TRABD2B: variants seen among roughly 807,000 people sequenced by gnomAD.
The protein encoded by TRABD2B is metalloprotease TIKI2.
TRABD2B carries 14 observed loss-of-function variants against 40.1 expected under a neutral mutation model. That is an observed-to-expected ratio of 0.35 (90% CI 0.23 to 0.55). TRABD2B has a LOEUF of 0.55. Ranked by LOEUF, TRABD2B falls within the 20% of genes least tolerant of loss-of-function variation. The probability of loss-of-function intolerance (pLI) is 0.90; values close to 1 mark genes in which losing one functional copy is unlikely to be tolerated. For missense variants in TRABD2B, 541 were observed against 648.6 expected, an observed-to-expected ratio of 0.83 and a Z score of 1.80; for synonymous variants, 263 against 277.0, an observed-to-expected ratio of 0.95 and a Z score of 0.50.
At chr1:47,839,495 A>G (rs756482776) in intron 2 of TRABD2B, among the ~76,000 whole-genome samples, 1 of 152,204 alleles carries the variant, frequency 6.6e-6, no homozygotes, top group Non-Finnish European at 1.5e-5. Context: ...ACCTGGCTTC[A>G]GGCCTCATGG....
chr1:47,774,015 C>G (rs1320651801), intron 6 of TRABD2B, among the ~76,000 whole-genome samples: 4 of 152,166 alleles, frequency 2.6e-5, no homozygotes, highest in Non-Finnish European at 5.9e-5. Flanking sequence ...GGACCCTGGT[C>G]AAACCCTCTC....
intron 4 of TRABD2B, among the ~76,000 whole-genome samples, chr1:47,779,659 C>T (rs549945844): frequency 4.6e-5 from 7 of 152,162 alleles, no homozygotes; most frequent in African/African-American, 1.4e-4. Flanking sequence ...TCGGGGGCCT[C>T]AGTCTCCCCC....
chr1:47,840,196 G>A (rs928901821), intron 2 of TRABD2B, among the ~76,000 whole-genome samples: 8 of 152,156 alleles, frequency 5.3e-5, no homozygotes, highest in African/African-American at 1.7e-4. Context: ...GGGAAGTTAA[G>A]CACGCTCACT....
At chr1:47,898,023 A>T (rs1268486730) in intron 2 of TRABD2B, among the ~76,000 whole-genome samples, 5 of 152,194 alleles carry the variant, frequency 3.3e-5, no homozygotes, top group Admixed American at 3.3e-4. Context: ...CAATTCACTG[A>T]TAATCACTCC....
intron 4 of TRABD2B, among the ~76,000 whole-genome samples, chr1:47,786,216 G>A (rs565362769): frequency 1.9e-4 from 29 of 152,230 alleles, no homozygotes; most frequent in Non-Finnish European, 2.9e-4. Flanking sequence ...TCAGGAGAAC[G>A]CAGGGTTTCT....
chr1:47,957,760 A>C (rs1376942407), intron 2 of TRABD2B, among the ~76,000 whole-genome samples: 1 of 152,226 alleles, frequency 6.6e-6, no homozygotes, highest in East Asian at 1.9e-4. Context: ...GACGGGGAGA[A>C]TGGAACCAAG....
chr1:47,917,212 G>A (rs1276435144), intron 2 of TRABD2B, among the ~76,000 whole-genome samples: 1 of 152,198 alleles, frequency 6.6e-6, no homozygotes, highest in African/African-American at 2.4e-5. Context: ...AGGCAGTCCA[G>A]ATAGGCCAGG....
chr1:47,888,211 C>T (rs1206854974), intron 2 of TRABD2B, among the ~76,000 whole-genome samples: 11 of 152,186 alleles, frequency 7.2e-5, no homozygotes, highest in Non-Finnish European at 1.2e-4. Context: ...TTTAGCCTGA[C>T]GGGCCTGAAA....
chr1:47,948,125 A>G (rs944244708), intron 2 of TRABD2B, among the ~76,000 whole-genome samples: 1 of 152,132 alleles, frequency 6.6e-6, no homozygotes, highest in African/African-American at 2.4e-5. Flanking sequence ...AATTCTAATG[A>G]CGCAGGCCGT....
intron 2 of TRABD2B, among the ~76,000 whole-genome samples, chr1:47,869,796 G>A (rs1191096403): frequency 2.0e-5 from 3 of 152,184 alleles, no homozygotes; most frequent in Admixed American, 2.0e-4. Flanking sequence ...AATCACATGC[G>A]GTTTGGGAAA....
chr1:47,778,438 C>A lies in TRABD2B; in HGVS notation c.1079+16G>T. 6.5e-7 allele frequency: 1 copy of A among 1,530,172 alleles called. No individual in the cohort carries two copies. The highest frequency in any genetic ancestry group is 8.8e-7 in the Non-Finnish European group (1 of 1,141,466). The allele number at this position is 1,530,172 out of a possible 1,614,324, so 94.8% of individuals were successfully genotyped here. A position where few individuals can be genotyped will look rare whatever the true frequency, so the allele number is the denominator to read the frequency against. On this transcript the variant is annotated intron_variant, in intron 5 of 6. Transcript: ENST00000606738. Reference sequence around the variant, plus strand: ...CAGGGTCAGTGAGGGCCAAGGCACACCCAGATGTGGCTTACCTGTGTATGG... The same window carrying A: ...CAGGGTCAGTGAGGGCCAAGGCACAACCAGATGTGGCTTACCTGTGTATGG...
intron 2 of TRABD2B, among the ~76,000 whole-genome samples, chr1:47,834,359 G>C (rs1645290038): frequency 1.3e-5 from 2 of 152,198 alleles, no homozygotes. Flanking sequence ...CATGGGCTCT[G>C]AGAAGCTCCA....
chr1:47,822,418 C>A (rs11805465), intron 2 of TRABD2B, among the ~76,000 whole-genome samples: 87 of 152,322 alleles, frequency 5.7e-4, no homozygotes, highest in African/African-American at 2.0e-3. Context: ...CTTTTCAGTA[C>A]AGTGCCTGCT....
chr1:47,783,038 G>A (rs911139743), intron 4 of TRABD2B, among the ~76,000 whole-genome samples: 4 of 152,098 alleles, frequency 2.6e-5, no homozygotes, highest in Non-Finnish European at 5.9e-5. Context: ...ACCATGGGGT[G>A]GGGGGGTTGC....
intron 2 of TRABD2B, among the ~76,000 whole-genome samples, chr1:47,917,105 C>G: frequency 6.6e-6 from 1 of 152,224 alleles, no homozygotes; most frequent in East Asian, 1.9e-4. Flanking sequence ...GTTCAGGTGT[C>G]ATGGACCAAG....
chr1:47,846,857 T>TATACAC (rs374941615), intron 2 of TRABD2B, among the ~76,000 whole-genome samples: 18 of 106,502 alleles, frequency 1.7e-4, no homozygotes, highest in Non-Finnish European at 2.6e-4. Context: ...AAAACATGCA[T>TATACAC]ACACACACAC....
chr1:47,967,821 T>C (rs1364366908), intron 2 of TRABD2B, among the ~76,000 whole-genome samples: 1 of 152,264 alleles, frequency 6.6e-6, no homozygotes, highest in Non-Finnish European at 1.5e-5. Flanking sequence ...AAGAGTTGGC[T>C]GCTGTACACA....
intron 2 of TRABD2B, among the ~76,000 whole-genome samples, chr1:47,846,192 T>A (rs1043938358): frequency 2.0e-5 from 3 of 152,244 alleles, no homozygotes. Flanking sequence ...TTCAGCATGC[T>A]TCCCCCTCCA....
intron 4 of TRABD2B, among the ~76,000 whole-genome samples, chr1:47,782,815 C>T (rs1293674814): frequency 6.6e-6 from 1 of 152,182 alleles, no homozygotes; most frequent in African/African-American, 2.4e-5. Context: ...ATCCTGGAAC[C>T]TGCAGGGAAA....
Sources: allele counts gnomAD v4.1 joint callset (sites outside exome capture counted in the v4.1 genomes callset), GRCh38; gene constraint gnomAD v4.1.1; transcripts MANE v1.5; gene names NCBI Gene and HGNC (gene_info 2026-07-23, HGNC 2026-07-21).